Variants in LMTK2 observed in about 807,000 individuals in gnomAD.
LMTK2 encodes lemur tail kinase 2, also known as serine/threonine-protein kinase LMTK2.
Under a neutral mutation model 127.5 loss-of-function variants are expected in LMTK2, and 37 were observed. That is an observed-to-expected ratio of 0.29 (90% CI 0.22 to 0.38). The LOEUF is 0.38. Among genes scored for constraint, LMTK2 ranks in the 10% least tolerant of loss-of-function variants. The probability of loss-of-function intolerance (pLI) is 1.00; values close to 1 mark genes in which losing one functional copy is unlikely to be tolerated. For synonymous variants in LMTK2, 819 were observed against 810.1 expected, an observed-to-expected ratio of 1.01 and a Z score of -0.19; for missense variants, 1,694 against 1,920.3, an observed-to-expected ratio of 0.88 and a Z score of 2.20.
At chr7:98,198,690 G>A (rs528000673) in intron 11 of LMTK2, among the ~76,000 whole-genome samples, 1 of 152,098 alleles carries the variant, frequency 6.6e-6, no homozygotes, top group Non-Finnish European at 1.5e-5. Flanking sequence ...ATGTTGCCCA[G>A]GCTGGTCTCG....
intron 1 of LMTK2, among the ~76,000 whole-genome samples, chr7:98,122,726 GTATA>G (rs72372592): frequency 0.055 from 782 of 14,240 alleles, 12 homozygotes; most frequent in South Asian, 0.14. Context: ...GTGTGTGTGT[GTATA>G]TATATAACTG....
intron 13 of LMTK2, among the ~76,000 whole-genome samples, chr7:98,204,925 GC>G (rs1797766661): frequency 6.6e-6 from 1 of 152,208 alleles, no homozygotes; most frequent in Non-Finnish European, 1.5e-5. Flanking sequence ...CTCTGGTGCT[GC>G]CCCTGGAATG....
intron 2 of LMTK2, 51 bp from the exon 3 acceptor site, chr7:98,141,346 T>C (rs368742444): frequency 6.5e-7 from 1 of 1,542,602 alleles, no homozygotes; most frequent in Non-Finnish European, 9.0e-7. Context: ...AATATGTTCC[T>C]ATTTTAAATG....
chr7:98,158,083 A>T (rs561306400), intron 5 of LMTK2, among the ~76,000 whole-genome samples: 1 of 152,348 alleles, frequency 6.6e-6, no homozygotes, highest in South Asian at 2.1e-4. Flanking sequence ...AATTGTATCA[A>T]AATAAAGGGT....
chr7:98,148,752 G>A (rs1198115367), intron 3 of LMTK2, among the ~76,000 whole-genome samples: 1 of 152,302 alleles, frequency 6.6e-6, no homozygotes, highest in Non-Finnish European at 1.5e-5. Flanking sequence ...GATTGACTCT[G>A]CTGGGGCACT....
At chr7:98,133,484 GT>G (rs928619495) in intron 1 of LMTK2, among the ~76,000 whole-genome samples, 80 of 145,774 alleles carry the variant, frequency 5.5e-4, no homozygotes, top group Non-Finnish European at 9.7e-4. Flanking sequence ...TTTTATGGAA[GT>G]TTTTTTTTTT....
At chr7:98,200,204 G>A (rs116896023) in intron 11 of LMTK2, among the ~76,000 whole-genome samples, 2,042 of 152,232 alleles carry the variant, frequency 0.013, 30 homozygotes, top group Middle Eastern at 0.027. Context: ...CAGATGGAAT[G>A]TGGAAACCCT....
intron 1 of LMTK2, among the ~76,000 whole-genome samples, chr7:98,114,122 T>C (rs1482371526): frequency 6.6e-6 from 1 of 152,184 alleles, no homozygotes; most frequent in Non-Finnish European, 1.5e-5. Flanking sequence ...AGAGTGACTC[T>C]GTATTCCTCT....
intron 8 of LMTK2, 51 bp downstream of exon 8, chr7:98,185,186 G>A: frequency 7.7e-7 from 1 of 1,303,830 alleles, no homozygotes; most frequent in Non-Finnish European, 1.1e-6. Flanking sequence ...GAATTGTGAA[G>A]TTGTAATGTC....
chr7:98,135,991 A>G (rs1284769317), intron 1 of LMTK2, among the ~76,000 whole-genome samples: 1 of 151,988 alleles, frequency 6.6e-6, no homozygotes, highest in Non-Finnish European at 1.5e-5. Flanking sequence ...CCTGCTTATC[A>G]TGACCAGAGC....
chr7:98,141,819 T>A (rs925867677), intron 3 of LMTK2, among the ~76,000 whole-genome samples: 6 of 152,234 alleles, frequency 3.9e-5, no homozygotes, highest in African/African-American at 1.4e-4. Flanking sequence ...GGCTCTGTTC[T>A]GGAGGTGGTT....
rs369108001 is a variant in LMTK2 at position 98,193,687 on chromosome 7, C to G, written c.3222C>G (p.Val1074=). The part of the protein sequence containing the change: ...HSGLPPNPVI[V]ISDAGDGHRG... ...GTCTGCCTCCCAACCCGGTCATTGT[C>G]ATCTCAGATGCCGGCGATGGTCACA... Residue 1074 remains valine (V), a synonymous_variant, in exon 11 of 14, where the codon GTC becomes GTG. Transcript: ENST00000297293. This position sits in a 1 kb window ranked among gnomAD's most constrained non-coding sequence, Gnocchi z 4.1. 4.3e-6 allele frequency: 7 copies of G among 1,613,776 alleles called. No individual in the cohort carries two copies. In the African/African-American group the frequency reaches 8.0e-5, roughly 18 times the overall value.
chr7:98,203,074 T>C (rs1797726951), intron 11 of LMTK2, among the ~76,000 whole-genome samples: 3 of 152,166 alleles, frequency 2.0e-5, no homozygotes, highest in Admixed American at 2.0e-4. Context: ...GCCCCAGGAT[T>C]GCTTGAGACT....
At chr7:98,189,351 G>A (rs1383274956) in intron 9 of LMTK2, among the ~76,000 whole-genome samples, 1 of 152,168 alleles carries the variant, frequency 6.6e-6, no homozygotes, top group South Asian at 2.1e-4. Context: ...TGAATCTCCT[G>A]AGTACCTGTT....
chr7:98,192,940 G>A lies in LMTK2; in HGVS notation c.2475G>A (p.Thr825=), dbSNP rs763335623. 3.7e-5 allele frequency: 60 copies of A among 1,613,954 alleles called. No homozygotes were observed. In the South Asian group the frequency reaches 3.7e-4, roughly 10 times the overall value. Residue 825 remains threonine (T), a synonymous_variant, in exon 11 of 14, where the codon ACG becomes ACA. Transcript: ENST00000297293. ...CTACCTCCTTCGAAACAGAAGAAAC[G>A]CCCCGTCGGGTACCCCCAGACTCAC... ...VPPTSFETEE[T]PRRVPPDSLP... is the part of the protein sequence containing the mutation.
chr7:98,206,463 G>A lies in LMTK2; in HGVS notation c.*971G>A, dbSNP rs1287263469. The stretch of plus-strand genomic sequence containing the variant: ...CCTCAGATGGACCCGGCCCATCCCT[G>A]GGGACGTGCTGGCGTGGCAGGTCCA... On this transcript the variant is annotated 3_prime_UTR_variant, in exon 14 of 14. Coordinates refer to ENST00000297293, the MANE Select transcript of LMTK2 (RefSeq NM_014916.4). 1 of 152,222 alleles carries A rather than the reference G, an allele frequency of 6.6e-6. No individual in the cohort carries two copies. The highest frequency in any genetic ancestry group is 1.9e-4 in the East Asian group (1 of 5,188). The allele number at this position is 152,222 out of a possible 1,614,324, so 9.4% of individuals were successfully genotyped here.
At chr7:98,197,453 G>A (rs1797640505) in intron 11 of LMTK2, among the ~76,000 whole-genome samples, 2 of 152,212 alleles carry the variant, frequency 1.3e-5, no homozygotes, top group South Asian at 4.1e-4. Context: ...CACTTGCGAT[G>A]TCCTTCCTCA....
chr7:98,175,604 CG>C (rs1797264750), intron 7 of LMTK2, among the ~76,000 whole-genome samples: 1 of 152,198 alleles, frequency 6.6e-6, no homozygotes, highest in Admixed American at 6.5e-5. Context: ...AAAACCAAAC[CG>C]GAATTCATAT....
chr7:98,180,445 G>A (rs1463202287), intron 7 of LMTK2, among the ~76,000 whole-genome samples: 1 of 152,144 alleles, frequency 6.6e-6, no homozygotes, highest in Non-Finnish European at 1.5e-5. Flanking sequence ...GACTCTAAGG[G>A]TTAAAGCCAA....
Sources: allele counts gnomAD v4.1 joint callset (sites outside exome capture counted in the v4.1 genomes callset), GRCh38; gene constraint gnomAD v4.1.1; non-coding constraint Gnocchi (gnomAD v3.1); transcripts MANE v1.5; gene names NCBI Gene and HGNC (gene_info 2026-07-23, HGNC 2026-07-21).